COL18A1: variants seen among roughly 807,000 people sequenced by gnomAD.
The protein encoded by COL18A1 is collagen alpha-1(XVIII) chain.
In COL18A1, 133 loss-of-function variants were observed where a neutral mutation model predicts 168.0. The observed-to-expected ratio is 0.79, with a 90% CI of 0.69 to 0.91. The LOEUF is 0.91. Among genes scored for constraint, COL18A1 ranks in the 40% least tolerant of loss-of-function variants. The probability of loss-of-function intolerance (pLI) is 0.00; values close to 1 mark genes in which losing one functional copy is unlikely to be tolerated. For missense variants in COL18A1, 2,126 were observed against 1,925.4 expected (o/e 1.10, Z -1.95); for synonymous variants, 949 against 809.0 (o/e 1.17, Z -2.94).
intron 2 of COL18A1, among the ~76,000 whole-genome samples, chr21:45,433,561 G>A (rs1041259218): frequency 2.7e-4 from 41 of 152,328 alleles, no homozygotes; most frequent in Non-Finnish European, 1.5e-4. Flanking sequence ...CTCCTTTCGC[G>A]TGGCTGTCGT....
intron 15 of COL18A1, among the ~76,000 whole-genome samples, chr21:45,485,910 C>A (rs2838944): frequency 6.6e-6 from 1 of 152,208 alleles, no homozygotes; most frequent in Non-Finnish European, 1.5e-5. Flanking sequence ...TATCTCATTC[C>A]GCTCTGTCCC....
At chr21:45,456,933 A>G in intron 2 of COL18A1, 3 of 1,349,290 alleles carry the variant, frequency 2.2e-6, no homozygotes, top group Non-Finnish European at 2.9e-6. Context: ...CTTGCCAGGT[A>G]AGTGTGGGCG....
At chr21:45,472,829 G>A (rs188937151) in intron 3 of COL18A1, among the ~76,000 whole-genome samples, 5 of 152,240 alleles carry the variant, frequency 3.3e-5, no homozygotes, top group South Asian at 2.1e-4. Flanking sequence ...GCTCACACGC[G>A]TGCATACGTG....
chr21:45,488,430 C>G lies in COL18A1; in HGVS notation c.1909C>G (p.Leu637Val). 1 of 1,613,902 alleles carries G rather than the reference C, an allele frequency of 6.2e-7. No individual in the cohort carries two copies. Among genetic ancestry groups the G allele is most frequent in the Non-Finnish European group, 8.5e-7 (1 of 1,179,998 alleles). The change falls in exon 18 of 42, where the codon CTG becomes GTG. Residue 637 changes from leucine to valine, a missense_variant. Leu to Val is a conservative substitution (Grantham distance 32). Transcript: ENST00000651438. ...TCTGCCCTGACAGGGACCTCCCGGC[C>G]TGCCGGGACTTAAGGTCAGTGACGG... ...SADGPQGPPG[L>V]PGLKGDPGVP...
chr21:45,434,536 CTG>C (rs1248269363), intron 2 of COL18A1, among the ~76,000 whole-genome samples: 1 of 152,196 alleles, frequency 6.6e-6, no homozygotes, highest in African/African-American at 2.4e-5. Context: ...TCCCGTGGCT[CTG>C]TGAGCTTCAG....
chr21:45,433,002 G>A lies in COL18A1; in HGVS notation c.106+27529G>A, dbSNP rs536209602. Among the ~76,000 whole-genome samples the A allele has an allele frequency of 1.9e-4, 29 of 152,308 alleles. No individual in the cohort carries two copies. The South Asian group carries it at 6.0e-3, about 32-fold the overall frequency. On this transcript the variant is annotated intron_variant, in intron 2 of 41. Coordinates refer to ENST00000651438, the MANE Select transcript of COL18A1 (RefSeq NM_001379500.1). ...CCTGCATCTACTTTTCCTAGAATAA[G>A]TATGAGAAACCCCAAATAGGTTCTA...
chr21:45,482,903 C>G, intron 15 of COL18A1, 82 bp downstream of exon 15: 1 of 1,605,464 alleles, frequency 6.2e-7, no homozygotes, highest in African/African-American at 1.3e-5. Context: ...GGTGGCAGCC[C>G]CACGGTCGAG....
At chr21:45,459,693 GAGGA>G (rs2034977244) in intron 2 of COL18A1, among the ~76,000 whole-genome samples, 1 of 152,214 alleles carries the variant, frequency 6.6e-6, no homozygotes, top group East Asian at 1.9e-4. Context: ...TCAGGTCCAC[GAGGA>G]AGGGAGTGAG....
At position 45,468,555 on chromosome 21, in the gene COL18A1, A is replaced by G. The variant is rs17004775; in HGVS notation, c.420A>G (p.Thr140=). 9,043 of 1,613,526 alleles carry G rather than the reference A, an allele frequency of 5.6e-3. 431 individuals carry two copies. The African/African-American group carries it at 0.1, about 18-fold the overall frequency. ...DGHQDISLLY[T]EPGAGQTHTA... ...ACCAGGACATCTCCCTGCTCTACAC[A>G]GAACCAGGTGCAGGCCAGACCCACA... is the stretch of plus-strand genomic sequence containing the variant. Residue 140 remains threonine, a synonymous_variant, in exon 3 of 42, where the codon ACA becomes ACG. Transcript: ENST00000651438.
At position 45,433,074 on chromosome 21, in the gene COL18A1, C is replaced by CT. The variant is rs796994808; in HGVS notation, c.106+27602dup. Among the ~76,000 whole-genome samples, 131 of 152,328 alleles carry CT rather than the reference C, an allele frequency of 8.6e-4. 2 individuals are homozygous for CT. The highest frequency in any genetic ancestry group is 3.1e-3 in the African/African-American group (128 of 41,572). ...GATGTTAATCCTCTTCGAAACTTGA[C>CT]TGAGTCATTTAGCCAAAGAAAACAG... is the stretch of plus-strand genomic sequence containing the variant. On this transcript the variant is annotated intron_variant, in intron 2 of 41. Transcript: ENST00000651438.
In COL18A1 at chr21:45,466,183, G is replaced by A. The variant is rs890021954; in HGVS notation, c.107-2059G>A. 2.6e-5 allele frequency among the ~76,000 whole-genome samples: 4 copies of A among 152,322 alleles called. No individual in the cohort carries two copies. The South Asian group carries it at 6.2e-4, about 24-fold the overall frequency. Reference sequence around the variant, plus strand: ...CGGTCCCCTAAGATAAGGGACCCAAGGGGAGGGGCGGGGACGTTCCACACT... The same window carrying A: ...CGGTCCCCTAAGATAAGGGACCCAAAGGGAGGGGCGGGGACGTTCCACACT... On this transcript the variant is annotated intron_variant, in intron 2 of 41. Transcript: ENST00000651438.
In COL18A1 at chr21:45,480,424, G is replaced by GT. The variant is rs745941789; in HGVS notation, c.1399-43_1399-42insT. The GT allele has an allele frequency of 3.1e-6, 5 of 1,613,778 alleles. No individual in the cohort carries two copies. In the South Asian group the frequency reaches 3.3e-5, roughly 11 times the overall value. ...GGGGCCAGGAGTAGGCCAGGCGGGGGGCCGAGCTCAGGGCAACGTGTCTCT... is the reference window on the plus strand; with the variant it reads ...GGGGCCAGGAGTAGGCCAGGCGGGGGTGCCGAGCTCAGGGCAACGTGTCTCT... On this transcript the variant is annotated intron_variant, in intron 11 of 41. Coordinates refer to ENST00000651438, the MANE Select transcript of COL18A1 (RefSeq NM_001379500.1).
At chr21:45,428,347 C>T (rs1335002378) in intron 2 of COL18A1, among the ~76,000 whole-genome samples, 5 of 152,162 alleles carry the variant, frequency 3.3e-5, no homozygotes, top group Admixed American at 2.6e-4. Flanking sequence ...CCAGGCGTGG[C>T]CAAGGATGGG....
intron 34 of COL18A1, among the ~76,000 whole-genome samples, chr21:45,504,860 C>T (rs1385307867): frequency 6.6e-6 from 1 of 152,132 alleles, no homozygotes; most frequent in Non-Finnish European, 1.5e-5. Context: ...CCCATCAGTC[C>T]TGAAAGACTC....
At chr21:45,491,703 C>T (rs553513934) in intron 22 of COL18A1, among the ~76,000 whole-genome samples, 3 of 152,344 alleles carry the variant, frequency 2.0e-5, no homozygotes, top group African/African-American at 7.2e-5. Context: ...GGTTCCGGAA[C>T]CTTCCTCCCC....
intron 2 of COL18A1, among the ~76,000 whole-genome samples, chr21:45,437,624 G>GCACA (rs561785406): frequency 1.5e-3 from 47 of 31,584 alleles, no homozygotes; most frequent in Non-Finnish European, 1.8e-3. Context: ...GCACTCTCCT[G>GCACA]CACACACACT....
At chr21:45,462,342 T>C (rs1484106906) in intron 2 of COL18A1, among the ~76,000 whole-genome samples, 1 of 152,218 alleles carries the variant, frequency 6.6e-6, no homozygotes, top group East Asian at 1.9e-4. Context: ...TTTCTTCAGA[T>C]AGTCTCTCTG....
intron 22 of COL18A1, 79 bp from the exon 23 acceptor site, chr21:45,492,456 T>G: frequency 1.1e-4 from 175 of 1,528,598 alleles, no homozygotes; most frequent in Non-Finnish European, 1.4e-4. Context: ...GGTGTTTTGT[T>G]GATCTGTAAG....
intron 2 of COL18A1, chr21:45,421,693 G>A (rs1196641178): frequency 1.5e-5 from 7 of 459,188 alleles, no homozygotes; most frequent in Non-Finnish European, 2.7e-5. Context: ...AGGGTTGGCC[G>A]GGTACTTGCC....
Sources: allele counts gnomAD v4.1 joint callset (sites outside exome capture counted in the v4.1 genomes callset), GRCh38; gene constraint gnomAD v4.1.1; transcripts MANE v1.5; gene names NCBI Gene and HGNC (gene_info 2026-07-23, HGNC 2026-07-21).